The following FRMD3 variants were observed in gnomAD, a reference collection of about 807,000 sequenced individuals.
The protein encoded by FRMD3 is FERM domain-containing protein 3.
In FRMD3, 33 loss-of-function variants were observed where a neutral mutation model predicts 70.2. The observed-to-expected ratio is 0.47, with a 90% CI of 0.36 to 0.63. The LOEUF is 0.63. FRMD3 is among the 20% of genes least tolerant of loss of function. The pLI is 0.00. For synonymous variants in FRMD3, 279 were observed against 255.9 expected, an observed-to-expected ratio of 1.09 and a Z score of -0.86; for missense variants, 632 against 711.4, an observed-to-expected ratio of 0.89 and a Z score of 1.27.
Position 83,248,493 on chromosome 9 carries a change from TCTC to T in FRMD3, c.1216_1218del (p.Glu406del), listed in dbSNP as rs1832239054. 6.2e-7 allele frequency: 1 copy of T among 1,610,830 alleles called. No homozygotes were observed. Among genetic ancestry groups the T allele is most frequent in the Non-Finnish European group, 8.5e-7 (1 of 1,179,600 alleles). On this transcript the variant is annotated inframe_deletion, in exon 14 of 14. Transcript: ENST00000304195. ...CTGGAGATCAAGGGAGCAGAAATGT[TCTC>T]CTCTTTAGGCAATGGAACACCTGTA...
In FRMD3 at chr9:83,479,624, A is replaced by AAAGG. The variant is rs1175480479; in HGVS notation, c.147+58457_147+58460dup. On this transcript the variant is annotated intron_variant, in intron 1 of 13. Transcript: ENST00000304195. ...CCTGAGGGATAGCAAGACCCTGAAGAAAGGAAGGAAGGAAGGAAGGAAGGA... is the reference window on the plus strand; with the variant it reads ...CCTGAGGGATAGCAAGACCCTGAAGAAAGGAAGGAAGGAAGGAAGGAAGGAAGGA... Among the ~76,000 whole-genome samples the AAAGG allele has an allele frequency of 9.7e-3, 594 of 61,450 alleles. 34 individuals are homozygous for AAAGG. The highest frequency in any genetic ancestry group is 0.016 in the South Asian group (25 of 1,580). The allele number at this position is 61,450 out of a possible 152,430, so 40.3% of individuals were successfully genotyped here. A position where few individuals can be genotyped will look rare whatever the true frequency, so the allele number is the denominator to read the frequency against.
intron 1 of FRMD3, among the ~76,000 whole-genome samples, chr9:83,520,005 A>G (rs1235233265): frequency 6.6e-6 from 1 of 152,164 alleles, no homozygotes; most frequent in Non-Finnish European, 1.5e-5. Context: ...GGATGGGGGA[A>G]AAGGGGAAGG....
chr9:83,440,684 TTA>T (rs1369377395), intron 1 of FRMD3, among the ~76,000 whole-genome samples: 19 of 152,370 alleles, frequency 1.2e-4, no homozygotes, highest in Non-Finnish European at 2.2e-4. Flanking sequence ...ACTCATTTAG[TTA>T]GCAGACAGAC....
intron 1 of FRMD3, among the ~76,000 whole-genome samples, chr9:83,462,772 G>T (rs923502980): frequency 6.6e-6 from 1 of 152,106 alleles, no homozygotes; most frequent in Admixed American, 6.5e-5. Flanking sequence ...AGGAAAATAG[G>T]GAATAGAAGA....
intron 2 of FRMD3, among the ~76,000 whole-genome samples, chr9:83,383,641 C>G (rs1825424839): frequency 6.6e-6 from 1 of 152,190 alleles, no homozygotes; most frequent in African/African-American, 2.4e-5. Context: ...ACCTGTTTCC[C>G]TAACTGATTT....
the FRMD3 span, among the ~76,000 whole-genome samples, chr9:83,564,805 G>C: frequency 6.6e-6 from 1 of 152,188 alleles, no homozygotes; most frequent in African/African-American, 2.4e-5. Flanking sequence ...CAGGAGGTGA[G>C]GAACCTGTAC....
the FRMD3 span, among the ~76,000 whole-genome samples, chr9:83,567,003 C>A: frequency 2.6e-5 from 4 of 152,366 alleles, no homozygotes; most frequent in East Asian, 7.7e-4. Context: ...AGGGCTCCAA[C>A]CCCACATTCC....
intron 3 of FRMD3, among the ~76,000 whole-genome samples, chr9:83,356,665 T>C (rs150628387): frequency 1.2e-4 from 19 of 152,084 alleles, no homozygotes; most frequent in African/African-American, 4.3e-4. Context: ...TTCAGGACTA[T>C]ACATACAAAC....
intron 13 of FRMD3, among the ~76,000 whole-genome samples, chr9:83,280,958 G>A (rs1376844792): frequency 6.6e-6 from 1 of 152,150 alleles, no homozygotes; most frequent in Non-Finnish European, 1.5e-5. Flanking sequence ...CCAAGACTCA[G>A]CCTTGAGCCA....
chr9:83,579,597 T>C, the FRMD3 span, among the ~76,000 whole-genome samples: 1 of 151,984 alleles, frequency 6.6e-6, no homozygotes, highest in African/African-American at 2.4e-5. Flanking sequence ...AGAATAAAAT[T>C]AGAAACTTAT....
At chr9:83,557,555 T>C in the FRMD3 span, among the ~76,000 whole-genome samples, 5 of 152,322 alleles carry the variant, frequency 3.3e-5, no homozygotes, top group African/African-American at 1.2e-4. Flanking sequence ...TGACATTTCG[T>C]ATAATGTAGA....
chr9:83,285,536 T>A (rs1834171527), intron 13 of FRMD3, among the ~76,000 whole-genome samples: 1 of 152,196 alleles, frequency 6.6e-6, no homozygotes, highest in South Asian at 2.1e-4. Flanking sequence ...GCATGGCTTT[T>A]CTACCATGTT....
chr9:83,293,440 G>A (rs1304438892), intron 12 of FRMD3, among the ~76,000 whole-genome samples: 1 of 152,140 alleles, frequency 6.6e-6, no homozygotes, highest in Non-Finnish European at 1.5e-5. Context: ...CATGCCAGCT[G>A]GACTGGCTGC....
chr9:83,433,907 C>T (rs1341792499), intron 1 of FRMD3, among the ~76,000 whole-genome samples: 3 of 152,234 alleles, frequency 2.0e-5, no homozygotes, highest in African/African-American at 7.2e-5. Context: ...TCCTGCTGTG[C>T]AGCCCGGTTC....
At chr9:83,323,978 G>A (rs1835913101) in intron 6 of FRMD3, among the ~76,000 whole-genome samples, 2 of 152,144 alleles carry the variant, frequency 1.3e-5, no homozygotes, top group South Asian at 4.1e-4. Flanking sequence ...TGTACCTTAG[G>A]AGAATTATTT....
intron 12 of FRMD3, among the ~76,000 whole-genome samples, chr9:83,291,155 TG>T (rs1834404628): frequency 6.6e-6 from 1 of 152,206 alleles, no homozygotes; most frequent in Non-Finnish European, 1.5e-5. Flanking sequence ...GCCAGATAGA[TG>T]ATGCAGATGT....
the FRMD3 span, among the ~76,000 whole-genome samples, chr9:83,547,064 A>C: frequency 6.6e-6 from 1 of 151,560 alleles, no homozygotes; most frequent in South Asian, 2.1e-4. Context: ...TGGGATAGCT[A>C]TACTTATATT....
intron 9 of FRMD3, among the ~76,000 whole-genome samples, chr9:83,310,165 T>TA (rs1481442745): frequency 7.2e-5 from 11 of 152,296 alleles, no homozygotes; most frequent in African/African-American, 2.6e-4. Flanking sequence ...GCTTTGTAAG[T>TA]ATTCTTTATT....
chr9:83,400,206 A>G (rs1825915182), intron 1 of FRMD3, among the ~76,000 whole-genome samples: 2 of 152,198 alleles, frequency 1.3e-5, no homozygotes, highest in Admixed American at 1.3e-4. Flanking sequence ...ATGTTGCAGG[A>G]CATAAAGCTA....
Sources: gnomAD v4.1 joint callset for allele counts (sites outside exome capture counted in the v4.1 genomes callset) on GRCh38, gnomAD v4.1.1 for gene constraint, MANE v1.5 for transcripts, NCBI Gene and HGNC (gene_info 2026-07-23, HGNC 2026-07-21) for gene names.